Variants in KYAT1 observed in about 807,000 individuals in gnomAD.
The protein encoded by KYAT1 is kynurenine aminotransferase 1.
Under a neutral mutation model 52.4 loss-of-function variants are expected in KYAT1, and 47 were observed. The observed-to-expected ratio is 0.90, with a 90% CI of 0.71 to 1.14. KYAT1 has a LOEUF of 1.14. KYAT1 is among the 50% of genes most tolerant of loss of function. The pLI is 0.00. For synonymous variants in KYAT1, 212 were observed against 209.6 expected, an observed-to-expected ratio of 1.01 and a Z score of -0.10; for missense variants, 480 against 557.9, an observed-to-expected ratio of 0.86 and a Z score of 1.41.
intron 8 of KYAT1, 32 bp downstream of exon 8, chr9:128,835,965 G>A (rs1483375023): frequency 3.8e-6 from 6 of 1,593,524 alleles, no homozygotes; most frequent in Non-Finnish European, 5.2e-6. Context: ...GATCTTGCAG[G>A]GGGTGGTGAC....
intron 1 of KYAT1, among the ~76,000 whole-genome samples, chr9:128,856,424 C>T (rs958227785): frequency 2.0e-5 from 3 of 152,090 alleles, no homozygotes; most frequent in African/African-American, 7.2e-5. Flanking sequence ...ATGACTATGG[C>T]GGTTTTGTCA....
At chr9:128,845,446 T>C (rs977779079) in intron 1 of KYAT1, 35 bp from the exon 2 acceptor site, 8 of 1,607,008 alleles carry the variant, frequency 5.0e-6, no homozygotes, top group Non-Finnish European at 6.8e-6. Flanking sequence ...AGAGATGGAA[T>C]CTGTCTGGGT....
In KYAT1 at chr9:128,842,728, G is replaced by A. The variant is rs1320254442; in HGVS notation, c.127C>T (p.Pro43Ser). The A allele has an allele frequency of 6.2e-7, 1 of 1,614,088 alleles. No individual in the cohort carries two copies. The highest frequency in any genetic ancestry group is 2.2e-5 in the East Asian group (1 of 44,902). The change falls in exon 3 of 13, where the codon CCA becomes TCA. Residue 43 changes from proline to serine, a missense_variant. Physicochemically the swap from Pro to Ser is moderately conservative, Grantham distance 74. Coordinates refer to ENST00000302586, the MANE Select transcript of KYAT1 (RefSeq NM_004059.5). ...TGAAAGGCTTCCACGGCAAAGTCTG[G>A]TGGTGGGAAATCCGGGAAGCCCTGG... ...LGQGFPDFPP[P>S]DFAVEAFQHA...
chr9:128,857,152 AG>A (rs1341844198), intron 1 of KYAT1, among the ~76,000 whole-genome samples: 2 of 152,242 alleles, frequency 1.3e-5, no homozygotes, highest in African/African-American at 2.4e-5. Context: ...ATGCAGGCAT[AG>A]TACCTCCCCT....
chr9:128,842,678 C>T lies in KYAT1; in HGVS notation c.177G>A (p.Met59Ile). The T allele has an allele frequency of 6.2e-7, 1 of 1,614,130 alleles. No individual in the cohort carries two copies. Among genetic ancestry groups the T allele is most frequent in the Non-Finnish European group, 8.5e-7 (1 of 1,179,990 alleles). ...CAAATGTCTTGGTGTACTGGTTAAG[C>T]ATGAAGTCTCCACTGACAGCGTGCT... ...AFQHAVSGDF[M>I]LNQYTKTFGY... is the part of the protein sequence containing the mutation. Residue 59 changes from methionine to isoleucine, a missense_variant, in exon 3 of 13, where the codon ATG becomes ATA. By Grantham distance (10) the Met-to-Ile change is conservative. Coordinates refer to ENST00000302586, the MANE Select transcript of KYAT1 (RefSeq NM_004059.5).
At chr9:128,867,053 A>T (rs1367001534) in intron 1 of KYAT1, among the ~76,000 whole-genome samples, 1 of 152,204 alleles carries the variant, frequency 6.6e-6, no homozygotes, top group Non-Finnish European at 1.5e-5. Context: ...ACAATGTACT[A>T]AAAGGTGAGA....
At chr9:128,842,907 C>T in intron 2 of KYAT1, 106 bp from the exon 3 acceptor site, 1 of 1,199,292 alleles carries the variant, frequency 8.3e-7, no homozygotes, top group South Asian at 1.5e-5. Context: ...TGGCTCACGC[C>T]TGTAATCCCA....
At chr9:128,861,088 C>G (rs901597450) in intron 1 of KYAT1, among the ~76,000 whole-genome samples, 12 of 152,200 alleles carry the variant, frequency 7.9e-5, no homozygotes, top group Non-Finnish European at 1.6e-4. Context: ...TCTCACAAAG[C>G]TTCAATTTGC....
chr9:128,838,820 A>G (rs1480054412), intron 3 of KYAT1, among the ~76,000 whole-genome samples: 1 of 152,202 alleles, frequency 6.6e-6, no homozygotes, highest in Admixed American at 6.5e-5. Flanking sequence ...GCTTGCCTCC[A>G]TGAACCTCAG....
intron 1 of KYAT1, among the ~76,000 whole-genome samples, chr9:128,868,559 C>G (rs532958731): frequency 3.8e-4 from 58 of 152,012 alleles, no homozygotes; most frequent in African/African-American, 1.4e-3. Context: ...TTTTTTGAGA[C>G]AGGGTCTCGC....
rs976846348 is a variant in KYAT1 at position 128,856,486 on chromosome 9, G to A, written c.-6-11075C>T. Among the ~76,000 whole-genome samples, 6 of 152,192 alleles carry A rather than the reference G, an allele frequency of 3.9e-5. No individual in the cohort carries two copies. The East Asian group carries it at 9.6e-4, about 24-fold the overall frequency. On this transcript the variant is annotated intron_variant, in intron 1 of 12. Transcript: ENST00000302586. ...AAGAAAGAGAGATCAGACTGTTACT[G>A]TGTCTATGTAGAAAGGGAAGACATA...
At chr9:128,858,527 A>G (rs748032297) in intron 1 of KYAT1, among the ~76,000 whole-genome samples, 4 of 150,820 alleles carry the variant, frequency 2.7e-5, no homozygotes, top group Non-Finnish European at 5.9e-5. Flanking sequence ...ATGAAACCCC[A>G]TCTCTACTAA....
intron 1 of KYAT1, among the ~76,000 whole-genome samples, chr9:128,870,136 C>T (rs533211232): frequency 6.6e-6 from 1 of 152,150 alleles, no homozygotes; most frequent in Non-Finnish European, 1.5e-5. Context: ...TAGGTATATA[C>T]CCAAAAGAAC....
intron 1 of KYAT1, among the ~76,000 whole-genome samples, chr9:128,857,598 A>G (rs1364424153): frequency 2.6e-5 from 4 of 152,226 alleles, no homozygotes; most frequent in African/African-American, 9.6e-5. Flanking sequence ...GCACTTTGGG[A>G]GGCCAGGGCA....
rs374080396 is a variant in KYAT1 at position 128,833,769 on chromosome 9, C to T, written c.1180G>A (p.Asp394Asn). Reference sequence around the variant, plus strand: ...ACAAAACAGAAGCGGATATAGTGGTCAAAGTGCTTCTGATGTGGCACACTA... The same window carrying T: ...ACAAAACAGAAGCGGATATAGTGGTTAAAGTGCTTCTGATGTGGCACACTA... ...FYSVPHQKHFDHYIRFCFVKD... is the reference protein window; with the variant it reads ...FYSVPHQKHFNHYIRFCFVKD... The change falls in exon 12 of 13, where the codon GAC becomes AAC. Residue 394 changes from aspartate (D) to asparagine (N), a missense_variant. By Grantham distance (23) the Asp-to-Asn change is conservative (BLOSUM62 1). Transcript: ENST00000302586. 1.0e-4 allele frequency: 166 copies of T among 1,614,242 alleles called. No homozygotes were observed. The African/African-American group carries it at 2.0e-3, about 20-fold the overall frequency.
At chr9:128,845,910 A>G (rs894723674) in intron 1 of KYAT1, among the ~76,000 whole-genome samples, 3 of 152,180 alleles carry the variant, frequency 2.0e-5, no homozygotes, top group Non-Finnish European at 4.4e-5. Flanking sequence ...GAGAAAACAG[A>G]AGGTGGAAAA....
At chr9:128,872,868 T>G (rs1837439253) in intron 1 of KYAT1, among the ~76,000 whole-genome samples, 1 of 147,410 alleles carries the variant, frequency 6.8e-6, no homozygotes, top group Admixed American at 6.8e-5. Flanking sequence ...AGGTCAGGAG[T>G]TTGAAACCAG....
intron 1 of KYAT1, among the ~76,000 whole-genome samples, chr9:128,880,102 G>T (rs1053540714): frequency 6.6e-6 from 1 of 152,166 alleles, no homozygotes; most frequent in Admixed American, 6.5e-5. Context: ...AGTATAATAC[G>T]TGGGAACATT....
chr9:128,833,745 C>A lies in KYAT1; in HGVS notation c.1204G>T (p.Val402Leu). ...CCCCCAGCCCTGCCCTTTACCTTCA[C>A]AAAACAGAAGCGGATATAGTGGTCA... ...HFDHYIRFCF[V>L]KDEATLQAMD... The change falls in exon 12 of 13, where the codon GTG becomes TTG. Residue 402 changes from valine to leucine, a missense_variant. Physicochemically the swap from Val to Leu is conservative, Grantham distance 32. Coordinates refer to ENST00000302586, the MANE Select transcript of KYAT1 (RefSeq NM_004059.5). The A allele has an allele frequency of 6.2e-7, 1 of 1,614,216 alleles. No homozygotes were observed. The highest frequency in any genetic ancestry group is 1.7e-5 in the Admixed American group (1 of 60,032).
Sources: gnomAD v4.1 joint callset for allele counts (sites outside exome capture counted in the v4.1 genomes callset) on GRCh38, gnomAD v4.1.1 for gene constraint, MANE v1.5 for transcripts, NCBI Gene and HGNC (gene_info 2026-07-23, HGNC 2026-07-21) for gene names.